CSMD2: variants seen among roughly 807,000 people sequenced by gnomAD.
CSMD2 encodes CUB and sushi domain-containing protein 2.
CSMD2 carries 130 observed loss-of-function variants against 398.5 expected under a neutral mutation model. The ratio of observed to expected loss-of-function variants is 0.33; its 90% CI spans 0.28 to 0.38. The LOEUF (loss-of-function observed/expected upper bound fraction) is 0.38. Among genes scored for constraint, CSMD2 ranks in the 10% least tolerant of loss-of-function variants. CSMD2 has a pLI of 1.00. For synonymous variants in CSMD2, 1,828 were observed against 1,908.5 expected (o/e 0.96, Z 1.10); for missense variants, 3,829 against 4,764.9 (o/e 0.80, Z 5.78).
At chr1:33,988,163 T>C (rs1341581677) in intron 3 of CSMD2, among the ~76,000 whole-genome samples, 1 of 152,232 alleles carries the variant, frequency 6.6e-6, no homozygotes. Context: ...CTGGGCTTAA[T>C]ACATACCTTT....
At chr1:33,619,688 C>G (rs948680215) in intron 37 of CSMD2, among the ~76,000 whole-genome samples, 17 of 152,182 alleles carry the variant, frequency 1.1e-4, no homozygotes, top group African/African-American at 4.1e-4. Flanking sequence ...CTGGAAATTC[C>G]TCACACTTTT....
In CSMD2 at chr1:34,162,334, C is replaced by T. The variant is rs568525350; in HGVS notation, c.187+2577G>A. Reference sequence around the variant, plus strand: ...GAAGGTATGGGTGGGTGAGGAGACTCCCCTTTTTCAAACTATTTTATTCAT... The same window carrying T: ...GAAGGTATGGGTGGGTGAGGAGACTTCCCTTTTTCAAACTATTTTATTCAT... On this transcript the variant is annotated intron_variant, in intron 1 of 70. Coordinates refer to ENST00000373381, the MANE Select transcript of CSMD2 (RefSeq NM_001281956.2). Among the ~76,000 whole-genome samples the T allele has an allele frequency of 2.2e-4, 34 of 152,082 alleles. 1 individual carries two copies. Among genetic ancestry groups the T allele is most frequent in the Non-Finnish European group, 4.0e-4 (27 of 67,996 alleles).
At position 33,966,011 on chromosome 1, in the gene CSMD2, G is replaced by A. The variant is rs144400935; in HGVS notation, c.518-30057C>T. Reference sequence around the variant, plus strand: ...GGAATAAGTCCAGTGGCCAAGGAACGAGGTGGAATGGCATGAGCTTAGTGG... The same window carrying A: ...GGAATAAGTCCAGTGGCCAAGGAACAAGGTGGAATGGCATGAGCTTAGTGG... On this transcript the variant is annotated intron_variant, in intron 3 of 70. Coordinates refer to ENST00000373381, the MANE Select transcript of CSMD2 (RefSeq NM_001281956.2). Among the ~76,000 whole-genome samples the A allele has an allele frequency of 1.5e-3, 233 of 152,324 alleles. 8 individuals are homozygous for A. In the East Asian group the frequency reaches 0.04, roughly 26 times the overall value.
chr1:33,625,135 C>G lies in CSMD2; in HGVS notation c.5416G>C (p.Ala1806Pro). ...IVRFECNSGY[A>P]LQGSPEIECL... ...TCGATCTCTGGCGACCCCTGCAGGGCATAGCCGGAGTTGCATTCGAAGCGG... is the reference window on the plus strand; with the variant it reads ...TCGATCTCTGGCGACCCCTGCAGGGGATAGCCGGAGTTGCATTCGAAGCGG... Residue 1806 changes from alanine to proline, a missense_variant, in exon 34 of 71, where the codon GCC becomes CCC. Transcript: ENST00000373381. 1 of 1,614,116 alleles carries G rather than the reference C, an allele frequency of 6.2e-7. No individual in the cohort carries two copies. The highest frequency in any genetic ancestry group is 8.5e-7 in the Non-Finnish European group (1 of 1,180,006).
chr1:33,737,500 G>A (rs1646922166), intron 15 of CSMD2, among the ~76,000 whole-genome samples: 1 of 152,186 alleles, frequency 6.6e-6, no homozygotes, highest in African/African-American at 2.4e-5. Context: ...AACTGTGCAT[G>A]CTCAAGACAA....
intron 46 of CSMD2, among the ~76,000 whole-genome samples, chr1:33,584,647 C>A (rs545939016): frequency 1.7e-3 from 215 of 129,872 alleles, no homozygotes; most frequent in Non-Finnish European, 2.8e-3. Flanking sequence ...AGCCTGGCGA[C>A]AGAGTGAGAC....
Position 33,571,387 on chromosome 1 carries a change from T to C in CSMD2, c.7957+145A>G, listed in dbSNP as rs114531738. On this transcript the variant is annotated intron_variant, in intron 51 of 70. Transcript: ENST00000373381. ...GAGTAGGCATTTTCCCAGCTCCTGATTCTACTAGATGAGAGTTTAAAAAGC... is the reference window on the plus strand; with the variant it reads ...GAGTAGGCATTTTCCCAGCTCCTGACTCTACTAGATGAGAGTTTAAAAAGC... The C allele has an allele frequency of 5.3e-3, 2,624 of 497,668 alleles. 43 individuals carry two copies. The highest frequency in any genetic ancestry group is 0.045 in the African/African-American group (2,294 of 50,628). The allele number at this position is 497,668 out of a possible 1,614,324, so 30.8% of individuals were successfully genotyped here. A position where few individuals can be genotyped will look rare whatever the true frequency, so the allele number is the denominator to read the frequency against.
At position 33,728,061 on chromosome 1, in the gene CSMD2, A is replaced by G. The variant is rs1253148165; in HGVS notation, c.2369-1376T>C. Among the ~76,000 whole-genome samples, 11 of 152,186 alleles carry G rather than the reference A, an allele frequency of 7.2e-5. No homozygotes were observed. The East Asian group carries it at 2.1e-3, about 29-fold the overall frequency. On this transcript the variant is annotated intron_variant, in intron 15 of 70. Coordinates refer to ENST00000373381, the MANE Select transcript of CSMD2 (RefSeq NM_001281956.2). ...GGAAAGCTGAGGCTTACGGAGGTTGAGTAACTAGCCTTGGGTTAGCAAGTT... is the reference window on the plus strand; with the variant it reads ...GGAAAGCTGAGGCTTACGGAGGTTGGGTAACTAGCCTTGGGTTAGCAAGTT...
chr1:33,575,124 T>C (rs1659950443), intron 49 of CSMD2, among the ~76,000 whole-genome samples: 1 of 152,146 alleles, frequency 6.6e-6, no homozygotes, highest in African/African-American at 2.4e-5. Flanking sequence ...GGACACTTCC[T>C]GTGGGTAGGA....
intron 2 of CSMD2, among the ~76,000 whole-genome samples, chr1:34,046,905 T>C (rs1415268215): frequency 1.3e-5 from 2 of 152,102 alleles, no homozygotes; most frequent in African/African-American, 4.8e-5. Context: ...CCTTCATTAC[T>C]ACCATCCTGG....
In CSMD2 at chr1:33,720,930, AC is replaced by A. The variant is rs572699594; in HGVS notation, c.3001+3266del. On this transcript the variant is annotated intron_variant, in intron 19 of 70. Transcript: ENST00000373381. Reference sequence around the variant, plus strand: ...TGGTCAGGCTGGCCTCGAACTCCCAACCTCAGGTGATCTGCCTGCCTTGACA... The same window carrying A: ...TGGTCAGGCTGGCCTCGAACTCCCAACTCAGGTGATCTGCCTGCCTTGACA... Among the ~76,000 whole-genome samples, 689 of 152,216 alleles carry A rather than the reference AC, an allele frequency of 4.5e-3. 5 individuals are homozygous for A. The highest frequency in any genetic ancestry group is 0.016 in the African/African-American group (647 of 41,522).
chr1:33,587,048 G>A, intron 45 of CSMD2, 40 bp downstream of exon 45: 2 of 1,505,306 alleles, frequency 1.3e-6, no homozygotes, highest in Non-Finnish European at 1.8e-6. Flanking sequence ...TCCTTCCCCA[G>A]TCCTGGGTTC....
At chr1:33,842,014 CACTAGAT>C (rs1388993051) in intron 6 of CSMD2, among the ~76,000 whole-genome samples, 2 of 152,198 alleles carry the variant, frequency 1.3e-5, no homozygotes, top group Non-Finnish European at 2.9e-5. Flanking sequence ...GTTAACTGCT[CACTAGAT>C]AGTCTCCCAA....
intron 13 of CSMD2, among the ~76,000 whole-genome samples, chr1:33,760,480 A>G (rs1382663508): frequency 1.3e-5 from 2 of 152,200 alleles, no homozygotes; most frequent in Non-Finnish European, 2.9e-5. Context: ...TTTGGAAAAT[A>G]TACGTAGCCA....
intron 3 of CSMD2, among the ~76,000 whole-genome samples, chr1:34,014,669 C>T (rs1422461672): frequency 6.6e-6 from 1 of 152,268 alleles, no homozygotes; most frequent in Non-Finnish European, 1.5e-5. Flanking sequence ...GTCTCCTCCA[C>T]TAGACCATGA....
intron 57 of CSMD2, among the ~76,000 whole-genome samples, chr1:33,543,413 T>C (rs1398648418): frequency 1.3e-5 from 2 of 152,258 alleles, no homozygotes; most frequent in Non-Finnish European, 2.9e-5. Context: ...CAATGAGATA[T>C]AGTTTAACAT....
At chr1:34,076,819 A>G (rs966924446) in intron 2 of CSMD2, among the ~76,000 whole-genome samples, 1 of 147,846 alleles carries the variant, frequency 6.8e-6, no homozygotes, top group East Asian at 2.1e-4. Flanking sequence ...TGCCAATGCT[A>G]TGCAGCTAGG....
intron 22 of CSMD2, among the ~76,000 whole-genome samples, chr1:33,708,097 A>G (rs187032233): frequency 3.0e-4 from 45 of 152,298 alleles, no homozygotes; most frequent in Admixed American, 2.7e-3. Context: ...TACACCACAC[A>G]TTATTGGAGG....
intron 44 of CSMD2, among the ~76,000 whole-genome samples, chr1:33,596,397 C>G (rs914165557): frequency 6.6e-6 from 1 of 152,174 alleles, no homozygotes; most frequent in African/African-American, 2.4e-5. Flanking sequence ...CCCCCTGACA[C>G]CCCGGCCTGG....
Sources: allele counts gnomAD v4.1 joint callset (sites outside exome capture counted in the v4.1 genomes callset), GRCh38; gene constraint gnomAD v4.1.1; transcripts MANE v1.5; gene names NCBI Gene and HGNC (gene_info 2026-07-23, HGNC 2026-07-21).